SAMD5: variants seen among roughly 807,000 people sequenced by gnomAD.
SAMD5 encodes the protein sterile alpha motif domain containing 5.
In SAMD5, 13 loss-of-function variants were observed where a neutral mutation model predicts 11.3. The ratio of observed to expected loss-of-function variants is 1.15; its 90% CI spans 0.75 to 1.83. The LOEUF (loss-of-function observed/expected upper bound fraction) is 1.83, where lower values mean the gene tolerates loss of function less well. Ranked by LOEUF, SAMD5 falls within the 40% of genes most tolerant of loss-of-function variation. SAMD5 has a pLI of 0.00. For synonymous variants in SAMD5, 129 were observed against 111.3 expected, an observed-to-expected ratio of 1.16 and a Z score of -1.00; for missense variants, 255 against 239.1, an observed-to-expected ratio of 1.07 and a Z score of -0.44.
At chr6:147,859,295 T>G in the SAMD5 span, among the ~76,000 whole-genome samples, 1 of 152,206 alleles carries the variant, frequency 6.6e-6, no homozygotes, top group East Asian at 1.9e-4. Context: ...TCTGGCTTAC[T>G]TTCTACCTAG....
In SAMD5 at chr6:147,568,955, G is replaced by A. The variant is rs924251478; in HGVS notation, c.*4499G>A. On this transcript the variant is annotated 3_prime_UTR_variant, in exon 2 of 2. Coordinates refer to ENST00000367474, the MANE Select transcript of SAMD5 (RefSeq NM_001030060.3). ...AGTTCAGAAAAAAATGGCTGGGCAC[G>A]GTGGCTCACGCCTGTAATCCCAGCA... The A allele has an allele frequency of 5.7e-5, 54 of 943,700 alleles. No individual in the cohort carries two copies. Among genetic ancestry groups the A allele is most frequent in the South Asian group, 2.9e-4 (6 of 20,438 alleles). 58.5% of individuals were successfully genotyped at this position (943,700 alleles called of 1,614,324 possible). A position where few individuals can be genotyped will look rare whatever the true frequency, so the allele number is the denominator to read the frequency against.
the SAMD5 span, among the ~76,000 whole-genome samples, chr6:147,774,157 A>G: frequency 6.6e-6 from 1 of 152,022 alleles, no homozygotes; most frequent in East Asian, 1.9e-4. Context: ...TCTCTATTAT[A>G]AGTCCACTAA....
intron 1 of SAMD5, among the ~76,000 whole-genome samples, chr6:147,526,855 A>C (rs80289252): frequency 0.026 from 3,912 of 152,116 alleles, 57 homozygotes; most frequent in East Asian, 0.049. Context: ...CTGTTGAGGA[A>C]CTTCCCTGTG....
At chr6:147,859,600 T>C in the SAMD5 span, among the ~76,000 whole-genome samples, 1 of 152,176 alleles carries the variant, frequency 6.6e-6, no homozygotes, top group Non-Finnish European at 1.5e-5. Context: ...TTTGTAAATA[T>C]TCATTTGCCT....
downstream of SAMD5, among the ~76,000 whole-genome samples, chr6:147,740,173 T>C (rs764940021): frequency 3.8e-4 from 58 of 152,206 alleles, no homozygotes; most frequent in Non-Finnish European, 6.5e-4. Flanking sequence ...AGTATTTACA[T>C]TTATTACATT....
At chr6:147,941,856 TG>T in the SAMD5 span, among the ~76,000 whole-genome samples, 15,362 of 79,780 alleles carry the variant, frequency 0.19, 1,051 homozygotes, top group South Asian at 0.47. Context: ...GAAGTTGGTT[TG>T]TTTGTTTGTT....
chr6:147,838,531 GCC>G, the SAMD5 span, among the ~76,000 whole-genome samples: 1 of 127,706 alleles, frequency 7.8e-6, no homozygotes, highest in Non-Finnish European at 1.6e-5. Flanking sequence ...AGAATATCCT[GCC>G]CCCCCCCCGT....
the SAMD5 span, among the ~76,000 whole-genome samples, chr6:147,822,842 T>C: frequency 7.9e-5 from 12 of 152,192 alleles, no homozygotes; most frequent in East Asian, 1.2e-3. Context: ...TGAGACAGAG[T>C]CTCACTCTGT....
the SAMD5 span, among the ~76,000 whole-genome samples, chr6:147,918,221 T>C: frequency 6.6e-6 from 1 of 152,232 alleles, no homozygotes; most frequent in African/African-American, 2.4e-5. Context: ...CATTTGTTTG[T>C]ATCCTCTTTT....
chr6:147,649,568 G>C (rs1033292471), intron 1 of SAMD5, among the ~76,000 whole-genome samples: 1 of 152,156 alleles, frequency 6.6e-6, no homozygotes, highest in African/African-American at 2.4e-5. Flanking sequence ...AAGGCAGGCA[G>C]ATCACCTGAG....
intron 1 of SAMD5, among the ~76,000 whole-genome samples, chr6:147,676,706 A>G (rs893838110): frequency 6.6e-6 from 1 of 152,076 alleles, no homozygotes; most frequent in Non-Finnish European, 1.5e-5. Flanking sequence ...AAGGATTCAA[A>G]GAGAAAGTAA....
the SAMD5 span, among the ~76,000 whole-genome samples, chr6:147,891,221 T>G: frequency 6.6e-6 from 1 of 152,176 alleles, no homozygotes; most frequent in African/African-American, 2.4e-5. Flanking sequence ...AGAGGGAGAA[T>G]TGCATAGTCT....
At chr6:147,877,622 A>C in the SAMD5 span, among the ~76,000 whole-genome samples, 36 of 152,094 alleles carry the variant, frequency 2.4e-4, no homozygotes, top group Non-Finnish European at 4.9e-4. Context: ...TTTAATATTT[A>C]AATCAGTAGA....
the SAMD5 span, among the ~76,000 whole-genome samples, chr6:147,872,004 AG>A: frequency 1.3e-5 from 2 of 152,234 alleles, no homozygotes; most frequent in Non-Finnish European, 2.9e-5. Flanking sequence ...AATTAAGAAA[AG>A]GAGAACAGTC....
chr6:147,600,272 C>G (rs1414363624), intron 1 of SAMD5, among the ~76,000 whole-genome samples: 1 of 152,178 alleles, frequency 6.6e-6, no homozygotes, highest in Non-Finnish European at 1.5e-5. Flanking sequence ...CCCCTCGTCT[C>G]CCAGGTATCT....
chr6:147,594,593 G>A (rs1789502458), intron 1 of SAMD5, among the ~76,000 whole-genome samples: 1 of 151,736 alleles, frequency 6.6e-6, no homozygotes, highest in Non-Finnish European at 1.5e-5. Flanking sequence ...ATAGAGTTAT[G>A]ATGACAGAAG....
At chr6:147,828,728 C>G in the SAMD5 span, among the ~76,000 whole-genome samples, 7,759 of 152,238 alleles carry the variant, frequency 0.051, 660 homozygotes, top group African/African-American at 0.18. Context: ...AATAAACTCC[C>G]TTTTATATGT....
At chr6:147,633,665 G>T (rs1054539774) in intron 1 of SAMD5, among the ~76,000 whole-genome samples, 45 of 147,660 alleles carry the variant, frequency 3.0e-4, no homozygotes, top group Admixed American at 2.7e-3. Flanking sequence ...CTGGTAATTT[G>T]TATATACTTT....
At chr6:147,763,818 G>T in the SAMD5 span, among the ~76,000 whole-genome samples, 1 of 152,036 alleles carries the variant, frequency 6.6e-6, no homozygotes, top group Non-Finnish European at 1.5e-5. Flanking sequence ...TCCTGACCTC[G>T]TGGTCCGCCT....
Sources: gnomAD v4.1 joint callset for allele counts (sites outside exome capture counted in the v4.1 genomes callset) on GRCh38, gnomAD v4.1.1 for gene constraint, MANE v1.5 for transcripts, NCBI Gene and HGNC (gene_info 2026-07-23, HGNC 2026-07-21) for gene names.